Variants in PATJ observed in about 807,000 individuals in gnomAD.
PATJ encodes the protein PATJ crumbs cell polarity complex component, also known as inaD-like protein.
A neutral mutation model predicts 224.9 loss-of-function variants in PATJ; 190 were observed. The ratio of observed to expected loss-of-function variants is 0.84; its 90% confidence interval spans 0.75 to 0.95. PATJ has a LOEUF of 0.95. PATJ is among the 40% of genes least tolerant of loss of function. The pLI is 0.00. For synonymous variants in PATJ, 769 were observed against 820.3 expected, an observed-to-expected ratio of 0.94 and a Z score of 1.07; for missense variants, 2,121 against 2,270.3, an observed-to-expected ratio of 0.93 and a Z score of 1.34.
At position 62,153,384 on chromosome 1, in the gene PATJ, T is replaced by C; in HGVS notation, c.5405T>C (p.Leu1802Ser). 8.1e-7 allele frequency: 1 copy of C among 1,231,666 alleles called. No homozygotes were observed. Among genetic ancestry groups the C allele is most frequent in the Non-Finnish European group, 1.0e-6 (1 of 987,542 alleles). The allele number at this position is 1,231,666 out of a possible 1,614,324, so 76.3% of individuals were successfully genotyped here. A position where few individuals can be genotyped will look rare whatever the true frequency, so the allele number is the denominator to read the frequency against. ...TETPPPKIIT[L>S]EKGSEGLGFS... ...ACACCTCCACCTAAGATTATTACTT[T>C]GGAGAAAGGCTCTGAAGGCTTGGGG... Residue 1802 changes from leucine to serine, a missense_variant, in exon 43 of 44, where the codon TTG (leucine) becomes TCG (serine). Leu to Ser is a moderately radical substitution (Grantham distance 145). Transcript: ENST00000642238.
intron 18 of PATJ, 95 bp downstream of exon 18, chr1:61,856,334 G>T (rs941527488): frequency 1.0e-6 from 1 of 958,496 alleles, no homozygotes; most frequent in Admixed American, 2.0e-5. Context: ...AAGAATTTCT[G>T]TTCTACTGTT....
At chr1:61,990,807 A>G (rs1376776640) in intron 28 of PATJ, among the ~76,000 whole-genome samples, 2 of 152,276 alleles carry the variant, frequency 1.3e-5, no homozygotes, top group Non-Finnish European at 2.9e-5. Context: ...CTCAAAAATA[A>G]TAGTTAATGT....
intron 28 of PATJ, among the ~76,000 whole-genome samples, chr1:62,002,467 G>C (rs1645834426): frequency 6.6e-6 from 1 of 152,146 alleles, no homozygotes; most frequent in East Asian, 1.9e-4. Context: ...AGCACTTTGG[G>C]AGGCTGAGGC....
intron 29 of PATJ, among the ~76,000 whole-genome samples, chr1:62,020,326 TACC>T (rs1489184501): frequency 1.3e-5 from 2 of 152,238 alleles, no homozygotes; most frequent in Non-Finnish European, 2.9e-5. Flanking sequence ...TGATGGCTGC[TACC>T]ACAAGAGCTG....
chr1:62,084,342 T>C (rs965336001), intron 32 of PATJ, among the ~76,000 whole-genome samples, 173 bp from the exon 33 acceptor site: 1 of 152,200 alleles, frequency 6.6e-6, no homozygotes, highest in Non-Finnish European at 1.5e-5. Flanking sequence ...ATCTCAGCAG[T>C]GTCATCCCTG....
At chr1:62,024,189 G>T (rs1647316107) in intron 29 of PATJ, among the ~76,000 whole-genome samples, 1 of 152,168 alleles carries the variant, frequency 6.6e-6, no homozygotes, top group Non-Finnish European at 1.5e-5. Flanking sequence ...CCAGATTTTG[G>T]TGTTAGGCTG....
At chr1:61,944,241 A>C (rs1337887291) in intron 27 of PATJ, among the ~76,000 whole-genome samples, 1 of 152,196 alleles carries the variant, frequency 6.6e-6, no homozygotes, top group Non-Finnish European at 1.5e-5. Flanking sequence ...AATTGAGAGA[A>C]GAAGGCTTCA....
chr1:62,161,692 T>C lies in PATJ; in HGVS notation c.*638T>C, dbSNP rs1444016798. ...TGATTATATTTACCAAAACTGGAGT[T>C]AACTTCTCTTTCCTTATACTCTTCT... On this transcript the variant is annotated 3_prime_UTR_variant, in exon 44 of 44. Transcript: ENST00000642238. The C allele has an allele frequency of 6.6e-6, 1 of 152,218 alleles. No individual in the cohort carries two copies. The highest frequency in any genetic ancestry group is 1.5e-5 in the Non-Finnish European group (1 of 68,062). 9.4% of individuals were successfully genotyped at this position (152,218 alleles called of 1,614,324 possible).
Position 62,018,798 on chromosome 1 carries a change from C to T in PATJ, c.3959+851C>T, listed in dbSNP as rs1646917580. ...GTTAGCTGCTATTTTAGGATTATGACAATCATTATTATTCTTCCCTTTCTC... is the reference window on the plus strand; with the variant it reads ...GTTAGCTGCTATTTTAGGATTATGATAATCATTATTATTCTTCCCTTTCTC... On this transcript the variant is annotated intron_variant, in intron 29 of 43. Coordinates refer to ENST00000642238, the MANE Select transcript of PATJ (RefSeq NM_001350145.3). This position sits in a 1 kb window ranked among gnomAD's most constrained non-coding sequence, Gnocchi z 4.2. Among the ~76,000 whole-genome samples, 1 of 152,108 alleles carries T rather than the reference C, an allele frequency of 6.6e-6. No homozygotes were observed. Among genetic ancestry groups the T allele is most frequent in the Non-Finnish European group, 1.5e-5 (1 of 68,024 alleles).
intron 20 of PATJ, among the ~76,000 whole-genome samples, chr1:61,868,727 T>C (rs536620859): frequency 1.3e-5 from 2 of 152,002 alleles, no homozygotes; most frequent in Non-Finnish European, 2.9e-5. Context: ...AGGCAGAGGT[T>C]GCAGTGAACT....
chr1:61,849,733 T>C (rs992793686), intron 17 of PATJ, among the ~76,000 whole-genome samples: 3 of 152,214 alleles, frequency 2.0e-5, no homozygotes, highest in Admixed American at 2.0e-4. Context: ...CTCTTTGCCA[T>C]CCTGCTGTGT....
intron 43 of PATJ, 27 bp from the exon 44 acceptor site, chr1:62,160,881 T>A (rs773829741): frequency 2.5e-6 from 4 of 1,612,454 alleles, no homozygotes; most frequent in African/African-American, 1.3e-5. Context: ...TTACCCTGGA[T>A]TAAACTGAAA....
chr1:61,909,293 C>T (rs761552570), intron 25 of PATJ, among the ~76,000 whole-genome samples: 2 of 152,104 alleles, frequency 1.3e-5, no homozygotes, highest in Non-Finnish European at 2.9e-5. Context: ...AATTTTTCTT[C>T]TGTAATTAAT....
chr1:62,005,223 C>T (rs997914277), intron 28 of PATJ, among the ~76,000 whole-genome samples: 1 of 151,772 alleles, frequency 6.6e-6, no homozygotes, highest in East Asian at 1.9e-4. Flanking sequence ...GCAGCCTCCA[C>T]CTCCAGAATT....
chr1:62,158,052 A>G lies in PATJ; in HGVS notation c.5503-2856A>G, dbSNP rs369132367. ...ATTACCACCACGTTGAGTAAATGCCATATGTCATACATTTAATCCTTAGAA... is the reference window on the plus strand; with the variant it reads ...ATTACCACCACGTTGAGTAAATGCCGTATGTCATACATTTAATCCTTAGAA... On this transcript the variant is annotated intron_variant, in intron 43 of 43. Transcript: ENST00000642238. 4.0e-5 allele frequency among the ~76,000 whole-genome samples: 6 copies of G among 149,036 alleles called. No individual in the cohort carries two copies. In the East Asian group the frequency reaches 5.8e-4, roughly 14 times the overall value.
At chr1:61,973,153 A>G (rs909042940) in intron 27 of PATJ, among the ~76,000 whole-genome samples, 1 of 152,020 alleles carries the variant, frequency 6.6e-6, no homozygotes, top group Non-Finnish European at 1.5e-5. Context: ...ATTTATTGAC[A>G]TATTATGCTG....
At chr1:62,125,090 C>T (rs544469670) in intron 39 of PATJ, among the ~76,000 whole-genome samples, 3 of 151,530 alleles carry the variant, frequency 2.0e-5, no homozygotes, top group Non-Finnish European at 2.9e-5. Context: ...ATTAGACAGG[C>T]GTGGTGGTGC....
chr1:61,763,114 C>A lies in PATJ; in HGVS notation c.124C>A (p.Leu42Ile). The change falls in exon 3 of 44, where the codon CTA (leucine) becomes ATA (isoleucine). Residue 42 changes from leucine (L) to isoleucine (I), a missense_variant. Leu to Ile is a conservative substitution (Grantham distance 5, BLOSUM62 2). Coordinates refer to ENST00000642238, the MANE Select transcript of PATJ (RefSeq NM_001350145.3). ...NEKLSMFYET[L>I]KSPLFNQILT... ...GAAGTTATCTATGTTTTATGAGACACTAAAGAGTCCTCTCTTCAACCAGAT... is the reference window on the plus strand; with the variant it reads ...GAAGTTATCTATGTTTTATGAGACAATAAAGAGTCCTCTCTTCAACCAGAT... 3 of 1,609,480 alleles carry A rather than the reference C, an allele frequency of 1.9e-6. No homozygotes were observed. Among genetic ancestry groups the A allele is most frequent in the Non-Finnish European group, 2.5e-6 (3 of 1,177,128 alleles).
chr1:61,833,904 G>A, intron 17 of PATJ, 119 bp downstream of exon 17: 1 of 780,024 alleles, frequency 1.3e-6, no homozygotes, highest in Non-Finnish European at 2.0e-6. Context: ...CCAAAGATGG[G>A]ATATTATACT....
Sources: gnomAD v4.1 joint callset for allele counts (sites outside exome capture counted in the v4.1 genomes callset) on GRCh38, gnomAD v4.1.1 for gene constraint, Gnocchi (gnomAD v3.1) non-coding constraint, MANE v1.5 for transcripts, NCBI Gene and HGNC (gene_info 2026-07-23, HGNC 2026-07-21) for gene names.